The following RIPOR2 variants were observed in gnomAD, a reference collection of about 807,000 sequenced individuals.
RIPOR2 encodes rho family-interacting cell polarization regulator 2.
A neutral mutation model predicts 114.5 loss-of-function variants in RIPOR2; 39 were observed. The observed-to-expected ratio is 0.34, with a 90% CI of 0.26 to 0.44. The LOEUF is 0.44. Ranked by LOEUF, RIPOR2 falls within the 20% of genes least tolerant of loss-of-function variation. RIPOR2 has a pLI of 1.00. For missense variants in RIPOR2, 1,007 were observed against 1,255.1 expected (o/e 0.80, Z 2.99); for synonymous variants, 445 against 484.4 (o/e 0.92, Z 1.07).
At chr6:25,041,472 A>G (rs1490240084) in intron 1 of RIPOR2, among the ~76,000 whole-genome samples, 1 of 152,228 alleles carries the variant, frequency 6.6e-6, no homozygotes, top group African/African-American at 2.4e-5. Flanking sequence ...TGTTTGATTC[A>G]GATGTTCCAT....
chr6:24,916,533 G>T (rs1350286871), intron 1 of RIPOR2, among the ~76,000 whole-genome samples: 1 of 152,130 alleles, frequency 6.6e-6, no homozygotes, highest in Non-Finnish European at 1.5e-5. Flanking sequence ...TATCCCTGCT[G>T]GTTTCTGCCA....
chr6:24,869,011 CTA>C, intron 6 of RIPOR2, 81 bp downstream of exon 6: 1 of 734,766 alleles, frequency 1.4e-6, no homozygotes, highest in African/African-American at 1.8e-5. Flanking sequence ...TCTCCACGCA[CTA>C]GATACTACGC....
intron 1 of RIPOR2, among the ~76,000 whole-genome samples, chr6:24,962,050 A>T (rs140134248): frequency 6.6e-6 from 1 of 152,316 alleles, no homozygotes; most frequent in East Asian, 1.9e-4. Flanking sequence ...GCCAGCAAGA[A>T]GCAGCAGCCA....
At chr6:24,942,073 A>C (rs757595175) in intron 1 of RIPOR2, among the ~76,000 whole-genome samples, 23 of 152,198 alleles carry the variant, frequency 1.5e-4, no homozygotes, top group Non-Finnish European at 3.2e-4. Context: ...ACTTTTAAAG[A>C]AAGGCATGCA....
In RIPOR2 at chr6:24,875,831, G is replaced by T; in HGVS notation, c.62-14C>A. 1.9e-6 allele frequency: 3 copies of T among 1,590,038 alleles called. No homozygotes were observed. Among genetic ancestry groups the T allele is most frequent in the Non-Finnish European group, 2.6e-6 (3 of 1,167,688 alleles). On this transcript the variant is annotated splice_polypyrimidine_tract_variant and intron_variant, in intron 1 of 21. Transcript: ENST00000643898. ...TGGTCGGTAGTCCTAGAAGACAGTGGAAAGATCATGACAATTTATAGGCAG... is the reference window on the plus strand; with the variant it reads ...TGGTCGGTAGTCCTAGAAGACAGTGTAAAGATCATGACAATTTATAGGCAG...
At chr6:24,952,975 C>A (rs894421560) in intron 1 of RIPOR2, among the ~76,000 whole-genome samples, 2 of 152,134 alleles carry the variant, frequency 1.3e-5, no homozygotes, top group African/African-American at 2.4e-5. Context: ...ATGTGTCTCC[C>A]CGAATTTCAT....
intron 1 of RIPOR2, among the ~76,000 whole-genome samples, chr6:25,001,650 C>T (rs1423389324): frequency 1.6e-4 from 22 of 141,488 alleles, no homozygotes; most frequent in Admixed American, 5.6e-4. Context: ...AAAAAAATCA[C>T]GGAGTAAATA....
chr6:24,959,198 T>C (rs1376298659), intron 1 of RIPOR2, among the ~76,000 whole-genome samples: 1 of 152,154 alleles, frequency 6.6e-6, no homozygotes, highest in African/African-American at 2.4e-5. Context: ...ATAATTTCAT[T>C]TTAACTAATT....
chr6:24,954,455 CCT>C lies in RIPOR2; in HGVS notation c.77-78640_77-78639del, dbSNP rs1491463262. Among the ~76,000 whole-genome samples the C allele has an allele frequency of 5.0e-4, 58 of 116,248 alleles. 4 individuals are homozygous for C. In the South Asian group the frequency reaches 7.1e-3, roughly 14 times the overall value. The allele number at this position is 116,248 out of a possible 152,430, so 76.3% of individuals were successfully genotyped here. ...AACTGTGCAGGCCCAGTCTCTCTCT[CCT>C]TTTTTTTTTTTTTTTTGAGACAGGG... is the stretch of plus-strand genomic sequence containing the variant. On this transcript the variant is annotated intron_variant, in intron 1 of 13. Coordinates refer to the RIPOR2 transcript ENST00000510784.
At chr6:24,993,142 G>A (rs187697846) in intron 1 of RIPOR2, among the ~76,000 whole-genome samples, 40 of 152,050 alleles carry the variant, frequency 2.6e-4, no homozygotes, top group African/African-American at 9.2e-4. Flanking sequence ...TTCTTTATTA[G>A]CCTAGCTAGT....
intron 12 of RIPOR2, among the ~76,000 whole-genome samples, chr6:24,844,303 G>A (rs748943928): frequency 1.3e-5 from 2 of 152,154 alleles, no homozygotes; most frequent in Non-Finnish European, 2.9e-5. Context: ...TCTGAAGAGA[G>A]AGGCCAGAAA....
At position 24,952,802 on chromosome 6, in the gene RIPOR2, T is replaced by C. The variant is rs952980999; in HGVS notation, c.77-76985A>G. Among the ~76,000 whole-genome samples, 6 of 152,174 alleles carry C rather than the reference T, an allele frequency of 3.9e-5. No homozygotes were observed. In the East Asian group the frequency reaches 9.6e-4, roughly 24 times the overall value. On this transcript the variant is annotated intron_variant, in intron 1 of 13. Transcript: ENST00000510784. ...CACACCACTAGACAGAAAGAAACAATGTATGCTGTTTGCTTTACAAAAGTC... is the reference window on the plus strand; with the variant it reads ...CACACCACTAGACAGAAAGAAACAACGTATGCTGTTTGCTTTACAAAAGTC...
intron 17 of RIPOR2, among the ~76,000 whole-genome samples, chr6:24,828,990 A>T (rs73396497): frequency 0.028 from 4,232 of 152,206 alleles, 115 homozygotes; most frequent in African/African-American, 0.072. Flanking sequence ...CAAATTATTG[A>T]TTATAGCAAC....
At chr6:24,964,197 C>T (rs981486376) in intron 1 of RIPOR2, among the ~76,000 whole-genome samples, 1 of 146,172 alleles carries the variant, frequency 6.8e-6, no homozygotes, top group Non-Finnish European at 1.5e-5. Flanking sequence ...GCCATTTCAC[C>T]AGATGCGTAG....
chr6:25,024,162 TG>T, intron 1 of RIPOR2: 1 of 1,219,812 alleles, frequency 8.2e-7, no homozygotes, highest in Non-Finnish European at 1.2e-6. Context: ...CCCCTCCTGC[TG>T]GGCGATTTCC....
At position 24,875,768 on chromosome 6, in the gene RIPOR2, A is replaced by G. The variant is rs1245961166; in HGVS notation, c.111T>C (p.Phe37=). The change falls in exon 2 of 22, where the codon TTT becomes TTC. Residue 37 remains phenylalanine (F), a synonymous_variant. Transcript: ENST00000643898. The stretch of plus-strand genomic sequence containing the variant: ...TGATCCCATTGGGCCCTCCAGGCGA[A>G]AAAGACTGGGATCCTACCAACATGA... ...PEIMLVGSQS[F]SPGGPNGIIR... is the part of the protein sequence containing the mutation. 6.2e-7 allele frequency: 1 copy of G among 1,613,620 alleles called. No individual in the cohort carries two copies. The highest frequency in any genetic ancestry group is 2.2e-5 in the East Asian group (1 of 44,876).
chr6:25,021,332 C>A (rs1429500790), intron 1 of RIPOR2, among the ~76,000 whole-genome samples: 1 of 57,078 alleles, frequency 1.8e-5, no homozygotes, highest in Admixed American at 1.7e-4. Context: ...GTGAGGAGAC[C>A]AGCTCTAAGA....
chr6:24,855,614 G>T (rs1241478202), intron 8 of RIPOR2, among the ~76,000 whole-genome samples: 1 of 152,170 alleles, frequency 6.6e-6, no homozygotes, highest in Non-Finnish European at 1.5e-5. Context: ...TCCTTGAGTT[G>T]CTATTTATAA....
chr6:24,949,586 T>C (rs954849537), intron 1 of RIPOR2, among the ~76,000 whole-genome samples: 31 of 151,886 alleles, frequency 2.0e-4, no homozygotes, highest in African/African-American at 7.5e-4. Flanking sequence ...TGGGCAGGAG[T>C]AAATAAAGGT....
Sources: allele counts gnomAD v4.1 joint callset (sites outside exome capture counted in the v4.1 genomes callset), GRCh38; gene constraint gnomAD v4.1.1; transcripts MANE v1.5; gene names NCBI Gene and HGNC (gene_info 2026-07-23, HGNC 2026-07-21).